Variants in CCDC93 observed in about 807,000 individuals in gnomAD.
CCDC93 encodes the protein CCC complex scaffolding subunit CCDC93.
CCDC93 carries 61 observed loss-of-function variants against 108.2 expected under a neutral mutation model. The observed-to-expected ratio is 0.56, with a 90% confidence interval of 0.46 to 0.70. The LOEUF is 0.70. Ranked by LOEUF, CCDC93 falls within the 30% of genes least tolerant of loss-of-function variation. The pLI, the probability that CCDC93 is intolerant of heterozygous loss-of-function variation, is 0.00. For synonymous variants in CCDC93, 276 were observed against 260.4 expected (o/e 1.06, Z -0.58); for missense variants, 685 against 764.2 (o/e 0.90, Z 1.22).
intron 20 of CCDC93, 95 bp downstream of exon 20, chr2:117,938,934 G>A (rs1383849754): frequency 1.5e-6 from 1 of 684,386 alleles, no homozygotes; most frequent in Non-Finnish European, 2.6e-6. Context: ...TGCTAATGCT[G>A]AACATACCTG....
intron 23 of CCDC93, among the ~76,000 whole-genome samples, chr2:117,921,310 G>T (rs762840029): frequency 5.9e-5 from 9 of 152,080 alleles, no homozygotes; most frequent in Non-Finnish European, 1.0e-4. Flanking sequence ...ACATCCAGTG[G>T]CACAAGTCAC....
chr2:117,943,958 T>G (rs1294263714), intron 18 of CCDC93, 66 bp downstream of exon 18: 1 of 1,086,550 alleles, frequency 9.2e-7, no homozygotes, highest in African/African-American at 1.6e-5. Flanking sequence ...ACTTTCTAGT[T>G]ATGTCATAGG....
At chr2:117,939,995 TA>T (rs1323425726) in intron 19 of CCDC93, among the ~76,000 whole-genome samples, 3 of 152,194 alleles carry the variant, frequency 2.0e-5, no homozygotes, top group Non-Finnish European at 4.4e-5. Context: ...GCAGGGAGCC[TA>T]AGTATTACAG....
chr2:117,991,536 A>AG (rs1464022602), intron 6 of CCDC93, among the ~76,000 whole-genome samples: 2 of 152,236 alleles, frequency 1.3e-5, no homozygotes, highest in Non-Finnish European at 2.9e-5. Flanking sequence ...GCAGCTACAC[A>AG]GGGAATTTAT....
intron 11 of CCDC93, among the ~76,000 whole-genome samples, chr2:117,959,362 T>C (rs941038999): frequency 6.6e-6 from 1 of 152,204 alleles, no homozygotes; most frequent in African/African-American, 2.4e-5. Context: ...ACACCAACAA[T>C]AAAACATCTT....
intron 18 of CCDC93, among the ~76,000 whole-genome samples, chr2:117,941,498 T>C (rs909371936): frequency 5.9e-5 from 9 of 152,008 alleles, no homozygotes; most frequent in Non-Finnish European, 1.0e-4. Context: ...TGGGAGGTGG[T>C]GTGACTGTGA....
intron 8 of CCDC93, 28 bp from the exon 9 acceptor site, chr2:117,975,308 A>G (rs1346602518): frequency 6.6e-7 from 1 of 1,525,906 alleles, no homozygotes; most frequent in South Asian, 1.1e-5. Flanking sequence ...AAAACAGCTG[A>G]GCACGGGAGA....
Position 117,924,155 on chromosome 2 carries a change from T to C in CCDC93, c.1843-3759A>G, listed in dbSNP as rs541375825. 2.8e-4 allele frequency among the ~76,000 whole-genome samples: 43 copies of C among 151,928 alleles called. No homozygotes were observed. In the East Asian group the frequency reaches 8.4e-3, roughly 30 times the overall value. On this transcript the variant is annotated intron_variant, in intron 23 of 23. Transcript: ENST00000376300. ...CATCACCATCATCAAAGACCAAAGG[T>C]AGATAAAACCACAAAGATGGGGAAA... is the stretch of plus-strand genomic sequence containing the variant.
chr2:117,962,766 C>A (rs1679437237), intron 11 of CCDC93, among the ~76,000 whole-genome samples: 1 of 152,196 alleles, frequency 6.6e-6, no homozygotes, highest in Non-Finnish European at 1.5e-5. Context: ...AAGTGGGAAT[C>A]CAGGAATGTA....
intron 23 of CCDC93, among the ~76,000 whole-genome samples, chr2:117,926,745 G>A (rs546819059): frequency 6.6e-6 from 1 of 152,294 alleles, no homozygotes; most frequent in East Asian, 1.9e-4. Flanking sequence ...TAGAAAAATA[G>A]AGAATCCTCC....
At chr2:117,986,885 C>A (rs1478718105) in intron 6 of CCDC93, among the ~76,000 whole-genome samples, 3 of 152,034 alleles carry the variant, frequency 2.0e-5, no homozygotes, top group Non-Finnish European at 4.4e-5. Context: ...CAGGGAGATG[C>A]AAAATATAAT....
intron 23 of CCDC93, among the ~76,000 whole-genome samples, chr2:117,928,611 C>T (rs1426982843): frequency 6.6e-6 from 1 of 152,172 alleles, no homozygotes; most frequent in Non-Finnish European, 1.5e-5. Flanking sequence ...CAGGAAATAA[C>T]AGGTGCTGGA....
At chr2:117,995,114 T>A (rs1220731535) in intron 6 of CCDC93, among the ~76,000 whole-genome samples, 1 of 152,192 alleles carries the variant, frequency 6.6e-6, no homozygotes, top group Non-Finnish European at 1.5e-5. Flanking sequence ...AACCTCAAGT[T>A]ATCATCCCCA....
At chr2:117,989,246 TCTCTGACCACAGA>T (rs1468293954) in intron 6 of CCDC93, among the ~76,000 whole-genome samples, 1 of 152,134 alleles carries the variant, frequency 6.6e-6, no homozygotes, top group Non-Finnish European at 1.5e-5. Context: ...TCTTCATAGG[TCTCTGACCACAGA>T]CTCCCCCCTG....
At position 117,980,864 on chromosome 2, in the gene CCDC93, T is replaced by C. The variant is rs577365158; in HGVS notation, c.621-2834A>G. 4.6e-5 allele frequency among the ~76,000 whole-genome samples: 7 copies of C among 152,290 alleles called. No homozygotes were observed. In the South Asian group the frequency reaches 1.5e-3, roughly 32 times the overall value. The stretch of plus-strand genomic sequence containing the variant: ...AGCAGTTAATCACAATTCTTCCCTC[T>C]TCCCAGCCCTTGGCTACCACTGATC... On this transcript the variant is annotated intron_variant, in intron 7 of 23. Transcript: ENST00000376300.
At chr2:117,929,404 A>C (rs1678246402) in intron 23 of CCDC93, among the ~76,000 whole-genome samples, 1 of 152,202 alleles carries the variant, frequency 6.6e-6, no homozygotes, top group Admixed American at 6.5e-5. Context: ...CTGGTGTGAC[A>C]ATGACTGCCA....
At chr2:117,963,895 T>C (rs1368894028) in intron 11 of CCDC93, among the ~76,000 whole-genome samples, 3 of 152,242 alleles carry the variant, frequency 2.0e-5, no homozygotes, top group Admixed American at 6.5e-5. Context: ...CAAGTCTTTA[T>C]GCAAATTGAT....
intron 7 of CCDC93, among the ~76,000 whole-genome samples, chr2:117,978,321 T>C (rs1000031782): frequency 6.6e-6 from 1 of 152,244 alleles, no homozygotes; most frequent in Non-Finnish European, 1.5e-5. Context: ...AATCAGCCAC[T>C]GCATTTCAGA....
At chr2:117,985,511 G>A (rs1680289466) in intron 7 of CCDC93, 1 of 626,600 alleles carries the variant, frequency 1.6e-6, no homozygotes. Context: ...AAAAACTAAG[G>A]ATATAAAATA....
Sources: allele counts gnomAD v4.1 joint callset (sites outside exome capture counted in the v4.1 genomes callset), GRCh38; gene constraint gnomAD v4.1.1; transcripts MANE v1.5; gene names NCBI Gene and HGNC (gene_info 2026-07-23, HGNC 2026-07-21).